TAS1R2: variants seen among roughly 807,000 people sequenced by gnomAD.
TAS1R2 encodes taste 1 receptor member 2.
A neutral mutation model predicts 49.3 loss-of-function variants in TAS1R2; 47 were observed. The observed-to-expected ratio is 0.95, with a 90% CI of 0.75 to 1.22. The LOEUF is 1.22. Ranked by LOEUF, TAS1R2 falls within the 50% of genes most tolerant of loss-of-function variation. TAS1R2 has a pLI of 0.00. For synonymous variants in TAS1R2, 479 were observed against 467.9 expected, an observed-to-expected ratio of 1.02 and a Z score of -0.31; for missense variants, 1,155 against 1,122.1, an observed-to-expected ratio of 1.03 and a Z score of -0.42.
At position 18,854,487 on chromosome 1, in the gene TAS1R2, T is replaced by C. The variant is rs1934091073; in HGVS notation, c.983A>G (p.Gln328Arg). Reference sequence around the variant, plus strand: ...ACTGAAGCCCGGGATGGGCACGCTCTGGATGGTGATGCCCAGGAAGGTGCC... The same window carrying C: ...ACTGAAGCCCGGGATGGGCACGCTCCGGATGGTGATGCCCAGGAAGGTGCC... The change falls in exon 3 of 6, where the codon CAG becomes CGG. Residue 328 changes from glutamine (Q) to arginine (R), a missense_variant. Gln to Arg is a conservative substitution (Grantham distance 43, BLOSUM62 1). Coordinates refer to ENST00000375371, the Ensembl canonical transcript of TAS1R2. The surrounding 1 kb of genome is among the most constrained non-coding windows in gnomAD (Gnocchi z 4.9). 2 of 1,614,110 alleles carry C rather than the reference T, an allele frequency of 1.2e-6. No homozygotes were observed. Among genetic ancestry groups the C allele is most frequent in the African/African-American group, 2.7e-5 (2 of 75,064 alleles).
intron 3 of TAS1R2, among the ~76,000 whole-genome samples, chr1:18,852,542 C>T (rs529574055): frequency 6.6e-6 from 1 of 152,332 alleles, no homozygotes; most frequent in Admixed American, 6.5e-5. Flanking sequence ...TGCATCATCC[C>T]CAGCCCTAAA....
chr1:18,857,410 A>C, exon 2 of TAS1R2: 3 of 1,614,230 alleles, frequency 1.9e-6, no homozygotes, highest in African/African-American at 2.7e-5. Context: ...GACAGCCACC[A>C]CACGGGAAAT....
chr1:18,848,534 C>T (rs1343892376), intron 4 of TAS1R2, among the ~76,000 whole-genome samples: 3 of 146,384 alleles, frequency 2.0e-5, no homozygotes, highest in Admixed American at 2.0e-4. Context: ...GGACACAGAC[C>T]AGTACCAGTC....
chr1:18,857,360 TG>T lies in TAS1R2; in HGVS notation c.453del (p.Asn152ThrfsTer46). On this transcript the variant is annotated frameshift_variant, in exon 2 of 6. Coordinates refer to ENST00000375371, the Ensembl canonical transcript of TAS1R2. LOFTEE classifies it high-confidence loss of function. ...GGAAGGAGAAATAGGGAGAGGAAGT[TG>T]GCCACAGTCATGACAGACTCGGAGT... 3 of 1,614,088 alleles carry T rather than the reference TG, an allele frequency of 1.9e-6. No homozygotes were observed. Among genetic ancestry groups the T allele is most frequent in the Non-Finnish European group, 2.5e-6 (3 of 1,179,922 alleles).
At chr1:18,841,996 A>C (rs1156891970) in intron 4 of TAS1R2, 144 bp from the exon 5 acceptor site, 1 of 1,004,756 alleles carries the variant, frequency 1.0e-6, no homozygotes, top group African/African-American at 1.6e-5. Context: ...AAAAAAAAAA[A>C]AAACTCTCAT....
chr1:18,849,661 G>T, intron 3 of TAS1R2, 111 bp from the exon 4 acceptor site: 1 of 1,197,404 alleles, frequency 8.4e-7, no homozygotes, highest in Non-Finnish European at 1.2e-6. Context: ...TTCCAACTCT[G>T]TAATATGGAG....
At chr1:18,859,063 C>A (rs1346388227) in intron 1 of TAS1R2, among the ~76,000 whole-genome samples, 2 of 152,156 alleles carry the variant, frequency 1.3e-5, no homozygotes, top group Admixed American at 1.3e-4. Context: ...GCACCCCTAC[C>A]CACCACAGAA....
At chr1:18,840,265 G>A (rs1395986211) in exon 6 of TAS1R2, 3 of 1,613,930 alleles carry the variant, frequency 1.9e-6, no homozygotes, top group Admixed American at 1.7e-5. Flanking sequence ...CGTACACCGG[G>A]ACCACCATGT....
chr1:18,852,004 T>C (rs981220609), intron 3 of TAS1R2, among the ~76,000 whole-genome samples: 1 of 152,228 alleles, frequency 6.6e-6, no homozygotes, highest in Non-Finnish European at 1.5e-5. Context: ...GAACACCGTG[T>C]CCGGCACATA....
At chr1:18,857,707 C>T in intron 1 of TAS1R2, 76 bp from the exon 2 acceptor site, 7 of 1,492,972 alleles carry the variant, frequency 4.7e-6, no homozygotes, top group Non-Finnish European at 6.3e-6. Context: ...CCAGCCCACT[C>T]CTCCTTCCTG....
intron 4 of TAS1R2, among the ~76,000 whole-genome samples, chr1:18,848,193 G>A (rs890966293): frequency 2.0e-5 from 3 of 152,148 alleles, no homozygotes; most frequent in African/African-American, 4.8e-5. Flanking sequence ...GCTGTATATA[G>A]AGAACCTCCA....
chr1:18,843,658 T>C (rs1403049160), intron 4 of TAS1R2, among the ~76,000 whole-genome samples: 2 of 152,180 alleles, frequency 1.3e-5, no homozygotes, highest in Non-Finnish European at 2.9e-5. Flanking sequence ...CTGATGATGT[T>C]TGAGTTATCT....
exon 1 of TAS1R2, chr1:18,859,516 C>T: frequency 6.2e-7 from 1 of 1,614,154 alleles, no homozygotes; most frequent in East Asian, 2.2e-5. Context: ...TTAAGGTGAA[C>T]AATGCCCTTC....
In TAS1R2 at chr1:18,854,216, C is replaced by T. The variant is rs1441672291; in HGVS notation, c.1254G>A (p.Trp418Ter). 1.2e-6 allele frequency: 2 copies of T among 1,612,200 alleles called. No homozygotes were observed. The highest frequency in any genetic ancestry group is 1.3e-5 in the African/African-American group (1 of 74,920). ...TCTATGGCAGCCACCCCCTCACCTG[C>T]CAGGGGTAGACCACCCTCTTGGTGC... Residue 418 changes from tryptophan (W) to a stop codon, truncating the protein, a stop_gained, in exon 3 of 6, where the codon TGG becomes TGA. Coordinates refer to ENST00000375371, the Ensembl canonical transcript of TAS1R2. LOFTEE classifies it high-confidence loss of function. The surrounding 1 kb of genome is among the most constrained non-coding windows in gnomAD (Gnocchi z 4.9).
exon 6 of TAS1R2, chr1:18,839,984 T>A: frequency 1.2e-6 from 2 of 1,613,996 alleles, no homozygotes; most frequent in Non-Finnish European, 1.7e-6. Flanking sequence ...GATCTTGGGG[T>A]CATCGGGGTC....
intron 5 of TAS1R2, among the ~76,000 whole-genome samples, chr1:18,841,481 A>G (rs540351353): frequency 6.6e-6 from 1 of 152,322 alleles, no homozygotes; most frequent in East Asian, 1.9e-4. Context: ...GCTGCAGTCC[A>G]GCGTGGGGGA....
chr1:18,840,452 A>C (rs772818747), exon 6 of TAS1R2: 2 of 1,614,190 alleles, frequency 1.2e-6, no homozygotes, highest in Non-Finnish European at 1.7e-6. Flanking sequence ...CAGGAAGACC[A>C]GCTGCCGCTT....
rs1934087365 is a variant in TAS1R2, at chr1:18,854,369, C to T, written c.1101G>A (p.Leu367=). 5.6e-6 allele frequency: 9 copies of T among 1,613,866 alleles called. No individual in the cohort carries two copies. Among genetic ancestry groups the T allele is most frequent in the Non-Finnish European group, 7.6e-6 (9 of 1,179,896 alleles). ...TGGTGTTGAAGGACAAGGTGGCGTT[C>T]AGGCAGTTGTCGCACTCCTGGTTGC... Residue 367 remains leucine (L), a synonymous_variant, in exon 3 of 6, where the codon CTG becomes CTA. Transcript: ENST00000375371. The surrounding 1 kb of genome is among the most constrained non-coding windows in gnomAD (Gnocchi z 4.9).
chr1:18,859,464 A>G lies in TAS1R2; in HGVS notation c.182+15T>C, dbSNP rs771217597. 3.1e-6 allele frequency: 5 copies of G among 1,613,604 alleles called. No homozygotes were observed. In the African/African-American group the frequency reaches 5.3e-5, roughly 17 times the overall value. ...CATCCCCACTGCCACTTCCAGCCCC[A>G]CACTGGAGACTCACTCCTTGCACAT... is the stretch of plus-strand genomic sequence containing the variant. On this transcript the variant is annotated intron_variant, in intron 1 of 5. Coordinates refer to ENST00000375371, the Ensembl canonical transcript of TAS1R2.
Sources: gnomAD v4.1 joint callset for allele counts (sites outside exome capture counted in the v4.1 genomes callset) on GRCh38, gnomAD v4.1.1 for gene constraint, Gnocchi (gnomAD v3.1) non-coding constraint, MANE v1.5 for transcripts, NCBI Gene and HGNC (gene_info 2026-07-23, HGNC 2026-07-21) for gene names.